HS6ST2: variants seen among roughly 807,000 people sequenced by gnomAD.
The protein encoded by HS6ST2 is heparan sulfate 6-O-sulfotransferase 2, also known as heparan-sulfate 6-O-sulfotransferase 2.
A neutral mutation model predicts 33.0 loss-of-function variants in HS6ST2; 17 were observed. That is an observed-to-expected ratio of 0.52 (90% CI 0.35 to 0.77). The LOEUF is 0.77. Ranked by LOEUF, HS6ST2 falls within the 30% of genes least tolerant of loss-of-function variation. HS6ST2 has a pLI of 0.01. For missense variants in HS6ST2, 519 were observed against 551.7 expected (o/e 0.94, Z 0.59); for synonymous variants, 248 against 237.1 (o/e 1.05, Z -0.42).
At chrX:132,763,207 G>A (rs984138901) in intron 2 of HS6ST2, among the ~76,000 whole-genome samples, 3 of 111,918 alleles carry the variant, frequency 2.7e-5, no homozygotes, top group African/African-American at 9.8e-5. Context: ...GGCTTGTGGG[G>A]TCAGGGATCA....
At chrX:132,728,590 G>A (rs1459962997) in intron 2 of HS6ST2, among the ~76,000 whole-genome samples, 1 of 112,343 alleles carries the variant, frequency 8.9e-6, no homozygotes, top group Non-Finnish European at 1.9e-5. Flanking sequence ...GCAGAAGGCT[G>A]AGGAGAGAAC....
intron 2 of HS6ST2, among the ~76,000 whole-genome samples, chrX:132,726,862 A>T (rs922040999): frequency 4.5e-5 from 5 of 111,347 alleles, no homozygotes; most frequent in African/African-American, 1.3e-4. Context: ...CATGGCCTGG[A>T]TAATGTTCCA....
rs145272508 is a variant in HS6ST2 at position 132,628,630 on chromosome X, C to T, written c.1531G>A (p.Glu511Lys). 21,923 of 1,209,569 alleles carry T rather than the reference C, an allele frequency of 0.018. 166 individuals carry two copies. Among genetic ancestry groups the T allele is most frequent in the Non-Finnish European group, 0.022 (19,670 of 895,005 alleles). ...CCCTCAATACGCTTTTGAATTTCCT[C>T]ATTGATCTCTACACTAGAGGCCCTA... ...TTRASSVEIN[E>K]EIQKRIEGLN... The change falls in exon 5 of 5, where the codon GAG (glutamate) becomes AAG (lysine). Residue 511 changes from glutamate (E) to lysine (K), a missense_variant. Physicochemically the swap from Glu to Lys is moderately conservative, Grantham distance 56 (BLOSUM62 1). Coordinates refer to ENST00000370833, the MANE Select transcript of HS6ST2 (RefSeq NM_001394073.1).
intron 2 of HS6ST2, among the ~76,000 whole-genome samples, chrX:132,930,550 G>C (rs1239567586): frequency 9.0e-6 from 1 of 111,084 alleles, no homozygotes; most frequent in African/African-American, 3.3e-5. Flanking sequence ...GCTACCAAAA[G>C]AGACAACTGC....
intron 2 of HS6ST2, among the ~76,000 whole-genome samples, chrX:132,941,459 G>A: frequency 8.9e-6 from 1 of 112,201 alleles, no homozygotes; most frequent in Middle Eastern, 4.7e-3. Context: ...AATTTTTTAA[G>A]ACCACTGGAT....
At position 132,864,773 on chromosome X, in the gene HS6ST2, C is replaced by T. The variant is rs6638031; in HGVS notation, c.947+92035G>A. Reference sequence around the variant, plus strand: ...ATACAGAGAACACCACAAAGATACACCTCCAGAAGAGCAACCCTAAGACAC... The same window carrying T: ...ATACAGAGAACACCACAAAGATACATCTCCAGAAGAGCAACCCTAAGACAC... On this transcript the variant is annotated intron_variant, in intron 2 of 4. Coordinates refer to ENST00000370833, the MANE Select transcript of HS6ST2 (RefSeq NM_001394073.1). 3.6e-5 allele frequency among the ~76,000 whole-genome samples: 4 copies of T among 110,127 alleles called. No homozygotes were observed. In the East Asian group the frequency reaches 1.2e-3, roughly 32 times the overall value.
intron 2 of HS6ST2, among the ~76,000 whole-genome samples, chrX:132,807,371 G>A (rs915305401): frequency 1.9e-4 from 21 of 110,123 alleles, no homozygotes; most frequent in African/African-American, 5.5e-4. Flanking sequence ...CGTTTTCAGC[G>A]AAGCCCTTAA....
intron 2 of HS6ST2, among the ~76,000 whole-genome samples, chrX:132,802,941 T>A (rs996279320): frequency 9.0e-6 from 1 of 110,737 alleles, no homozygotes; most frequent in African/African-American, 3.3e-5. Context: ...GCCTTGCTAA[T>A]AAACTTAATC....
At chrX:132,766,440 C>A (rs189292127) in intron 2 of HS6ST2, among the ~76,000 whole-genome samples, 2 of 111,863 alleles carry the variant, frequency 1.8e-5, no homozygotes, top group East Asian at 2.8e-4. Flanking sequence ...AATCAGTATG[C>A]GAAGGCAATG....
intron 2 of HS6ST2, among the ~76,000 whole-genome samples, chrX:132,848,618 G>A (rs1426171364): frequency 2.7e-5 from 3 of 111,345 alleles, no homozygotes; most frequent in East Asian, 2.8e-4. Flanking sequence ...CTTAACTCCC[G>A]AAAACACAAG....
chrX:132,767,912 C>A (rs58823211), intron 2 of HS6ST2, among the ~76,000 whole-genome samples: 1 of 110,428 alleles, frequency 9.1e-6, no homozygotes, highest in African/African-American at 3.3e-5. Flanking sequence ...CAAAACAACA[C>A]CTGGCTCAAC....
intron 2 of HS6ST2, among the ~76,000 whole-genome samples, chrX:132,816,108 T>C (rs1445111533): frequency 1.8e-5 from 2 of 112,145 alleles, no homozygotes; most frequent in Non-Finnish European, 3.8e-5. Flanking sequence ...ACAGGGCTTT[T>C]AATCTTAAGA....
chrX:132,800,597 C>T (rs1207349901), intron 2 of HS6ST2, among the ~76,000 whole-genome samples: 4 of 110,925 alleles, frequency 3.6e-5, no homozygotes, highest in Non-Finnish European at 7.6e-5. Flanking sequence ...CCACCATCCC[C>T]TATGTTGACT....
At chrX:132,823,310 G>A (rs1196889130) in intron 2 of HS6ST2, among the ~76,000 whole-genome samples, 1 of 110,667 alleles carries the variant, frequency 9.0e-6, no homozygotes, top group Non-Finnish European at 1.9e-5. Context: ...GGGTACAAGT[G>A]GTTTTGGGTT....
intron 2 of HS6ST2, among the ~76,000 whole-genome samples, chrX:132,770,518 C>T (rs919671761): frequency 2.7e-5 from 3 of 111,908 alleles, no homozygotes; most frequent in South Asian, 3.8e-4. Context: ...AATTTATAAA[C>T]GTATGTAAAT....
intron 2 of HS6ST2, among the ~76,000 whole-genome samples, chrX:132,772,852 A>ATTATATT (rs1225793669): frequency 3.5e-5 from 3 of 85,587 alleles, no homozygotes; most frequent in South Asian, 5.3e-4. Context: ...TATAACATAT[A>ATTATATT]ATATAGTCTA....
At chrX:132,637,636 G>A (rs2063557951) in intron 4 of HS6ST2, among the ~76,000 whole-genome samples, 2 of 99,735 alleles carry the variant, frequency 2.0e-5, no homozygotes, top group Middle Eastern at 4.6e-3. Flanking sequence ...GGTCATAGGA[G>A]TGATCAATAA....
intron 2 of HS6ST2, among the ~76,000 whole-genome samples, chrX:132,741,798 C>T (rs2064583404): frequency 1.8e-5 from 2 of 111,513 alleles, no homozygotes; most frequent in African/African-American, 6.5e-5. Flanking sequence ...AAAAAGCATA[C>T]TTATAATACT....
intron 4 of HS6ST2, among the ~76,000 whole-genome samples, chrX:132,663,588 C>T (rs1247988913): frequency 2.7e-5 from 3 of 112,633 alleles, no homozygotes; most frequent in African/African-American, 9.7e-5. Flanking sequence ...AATATTAATG[C>T]TTTCATTTGT....
Sources: allele counts gnomAD v4.1 joint callset (sites outside exome capture counted in the v4.1 genomes callset), GRCh38; gene constraint gnomAD v4.1.1; transcripts MANE v1.5; gene names NCBI Gene and HGNC (gene_info 2026-07-23, HGNC 2026-07-21).